Variants in DHX40 observed in about 807,000 individuals in gnomAD.
DHX40 encodes DEAH-box helicase 40, also known as probable ATP-dependent RNA helicase DHX40.
A neutral mutation model predicts 89.6 loss-of-function variants in DHX40; 28 were observed. The observed-to-expected ratio is 0.31, with a 90% confidence interval of 0.23 to 0.43. The LOEUF is 0.43. DHX40 is among the 20% of genes least tolerant of loss of function. The pLI is 1.00. For synonymous variants in DHX40, 226 were observed against 283.6 expected (o/e 0.80, Z 2.04); for missense variants, 457 against 844.0 (o/e 0.54, Z 5.68).
intron 11 of DHX40, among the ~76,000 whole-genome samples, chr17:59,586,714 T>G (rs1215523312): frequency 1.3e-5 from 2 of 152,034 alleles, no homozygotes; most frequent in Non-Finnish European, 2.9e-5. Flanking sequence ...CCCTTTTGTT[T>G]AATAAATATT....
rs757996032 is a variant in DHX40, at chr17:59,566,812, T to C, written c.280+18T>C. 1.3e-6 allele frequency: 2 copies of C among 1,554,624 alleles called. No homozygotes were observed. The highest frequency in any genetic ancestry group is 2.5e-5 in the South Asian group (2 of 81,434). ...TGAAGCAGGTGATTTTTTTCTGTTGTAATAATTGGAAATATTTTAAAAATA... is the reference window on the plus strand; with the variant it reads ...TGAAGCAGGTGATTTTTTTCTGTTGCAATAATTGGAAATATTTTAAAAATA... On this transcript the variant is annotated intron_variant, in intron 2 of 17. Coordinates refer to ENST00000251241, the MANE Select transcript of DHX40 (RefSeq NM_024612.5).
At chr17:59,600,169 C>T (rs2030401102) in intron 14 of DHX40, among the ~76,000 whole-genome samples, 1 of 152,118 alleles carries the variant, frequency 6.6e-6, no homozygotes, top group Non-Finnish European at 1.5e-5. Context: ...GGCCCTCCTG[C>T]CCCACCAACC....
chr17:59,565,827 G>A (rs957916446), intron 1 of DHX40, 44 bp downstream of exon 1: 3 of 1,519,448 alleles, frequency 2.0e-6, no homozygotes, highest in African/African-American at 2.8e-5. Context: ...GAGTTACGGC[G>A]TGGGGGTTTT....
At chr17:59,574,381 T>A (rs1230996091) in intron 6 of DHX40, 127 bp downstream of exon 6, 1 of 401,256 alleles carries the variant, frequency 2.5e-6, no homozygotes, top group Non-Finnish European at 4.7e-6. Flanking sequence ...TTTTTCTGAT[T>A]ATCTGAATAA....
At position 59,589,996 on chromosome 17, in the gene DHX40, C is replaced by A. The variant is rs538264489; in HGVS notation, c.1582+1943C>A. On this transcript the variant is annotated intron_variant, in intron 12 of 17. Coordinates refer to ENST00000251241, the MANE Select transcript of DHX40 (RefSeq NM_024612.5). ...TTGGCCTTGGGATTGCAGGCATGAG[C>A]CACCACGCCCAGCCCGGCGTTAATT... Among the ~76,000 whole-genome samples the A allele has an allele frequency of 9.2e-5, 14 of 151,626 alleles. No individual in the cohort carries two copies. In the South Asian group the frequency reaches 2.9e-3, roughly 31 times the overall value.
At chr17:59,601,389 A>AT (rs2030517111) in intron 14 of DHX40, among the ~76,000 whole-genome samples, 1 of 151,974 alleles carries the variant, frequency 6.6e-6, no homozygotes, top group South Asian at 2.1e-4. Context: ...CTGTTTCGTT[A>AT]TGAGTGTTTT....
chr17:59,592,481 C>T (rs11079381), intron 12 of DHX40, among the ~76,000 whole-genome samples: 28,904 of 146,962 alleles, frequency 0.2, 3,397 homozygotes, highest in African/African-American at 0.32. Flanking sequence ...CCCTCAGTGC[C>T]ACTTCTTAGT....
intron 14 of DHX40, among the ~76,000 whole-genome samples, chr17:59,601,750 G>A (rs1210344472): frequency 6.6e-6 from 1 of 152,092 alleles, no homozygotes; most frequent in African/African-American, 2.4e-5. Context: ...TTGGGTGCTG[G>A]ATATTTTTGT....
intron 11 of DHX40, among the ~76,000 whole-genome samples, chr17:59,587,053 T>C (rs2049008392): frequency 6.6e-6 from 1 of 151,032 alleles, no homozygotes; most frequent in Non-Finnish European, 1.5e-5. Flanking sequence ...CTTGGGAAGC[T>C]GAGGTGGGAG....
chr17:59,582,418 T>G (rs1262359219), intron 10 of DHX40, among the ~76,000 whole-genome samples: 3 of 121,784 alleles, frequency 2.5e-5, no homozygotes, highest in African/African-American at 3.8e-5. Context: ...AATTATTATT[T>G]TGCTTTCCCT....
chr17:59,587,280 A>G (rs1015444084), intron 11 of DHX40, among the ~76,000 whole-genome samples: 13 of 151,630 alleles, frequency 8.6e-5, no homozygotes, highest in South Asian at 2.1e-4. Flanking sequence ...CTGGAGTACA[A>G]TGGTGCAATC....
chr17:59,566,865 C>A (rs181481037), intron 2 of DHX40, 71 bp downstream of exon 2: 20 of 1,344,228 alleles, frequency 1.5e-5, no homozygotes, highest in Non-Finnish European at 1.9e-5. Flanking sequence ...AGTAGGACTT[C>A]TGTACTCCAT....
intron 12 of DHX40, among the ~76,000 whole-genome samples, chr17:59,590,592 C>T (rs2049068370): frequency 1.3e-5 from 2 of 151,762 alleles, no homozygotes; most frequent in South Asian, 4.2e-4. Flanking sequence ...ACCTCAGCCT[C>T]CCCAGCAGCT....
At chr17:59,589,288 C>T (rs1017911738) in intron 12 of DHX40, among the ~76,000 whole-genome samples, 1 of 127,590 alleles carries the variant, frequency 7.8e-6, no homozygotes, top group Non-Finnish European at 1.6e-5. Flanking sequence ...GTGGCCTGAT[C>T]TCGGCTCACT....
chr17:59,588,520 C>T (rs2049034076), intron 12 of DHX40, among the ~76,000 whole-genome samples: 1 of 152,032 alleles, frequency 6.6e-6, no homozygotes, highest in African/African-American at 2.4e-5. Flanking sequence ...TTAGTAGAGG[C>T]GCGGTTTCTC....
chr17:59,574,857 T>A (rs935882487), intron 6 of DHX40, among the ~76,000 whole-genome samples: 1 of 152,106 alleles, frequency 6.6e-6, no homozygotes, highest in Non-Finnish European at 1.5e-5. Flanking sequence ...ATAAAATAGT[T>A]AAATCCCAAA....
intron 14 of DHX40, among the ~76,000 whole-genome samples, chr17:59,602,287 G>A (rs187665073): frequency 8.5e-5 from 13 of 152,244 alleles, no homozygotes; most frequent in South Asian, 4.2e-4. Flanking sequence ...GTTGTTGGGC[G>A]TACTGCGTTT....
intron 7 of DHX40, among the ~76,000 whole-genome samples, chr17:59,576,902 C>T (rs1452317103): frequency 6.6e-6 from 1 of 150,840 alleles, no homozygotes; most frequent in East Asian, 1.9e-4. Flanking sequence ...TGGAGTCTCG[C>T]TCTGTCGCCC....
At chr17:59,596,496 A>G (rs1352282426) in intron 12 of DHX40, among the ~76,000 whole-genome samples, 1 of 152,220 alleles carries the variant, frequency 6.6e-6, no homozygotes, top group Non-Finnish European at 1.5e-5. Flanking sequence ...TGAACTTGGG[A>G]GGTGGATGTT....
Sources: allele counts gnomAD v4.1 joint callset (sites outside exome capture counted in the v4.1 genomes callset), GRCh38; gene constraint gnomAD v4.1.1; transcripts MANE v1.5; gene names NCBI Gene and HGNC (gene_info 2026-07-23, HGNC 2026-07-21).